The following PUM2 variants were observed in gnomAD, a reference collection of about 807,000 sequenced individuals.
The protein encoded by PUM2 is pumilio homolog 2.
Under a neutral mutation model 124.5 loss-of-function variants are expected in PUM2, and 57 were observed. The ratio of observed to expected loss-of-function variants is 0.46; its 90% CI spans 0.37 to 0.57. The LOEUF (loss-of-function observed/expected upper bound fraction) is 0.57. PUM2 is among the 20% of genes least tolerant of loss of function. The pLI, the probability that PUM2 is intolerant of heterozygous loss-of-function variation, is 0.00. For synonymous variants in PUM2, 460 were observed against 446.1 expected, an observed-to-expected ratio of 1.03 and a Z score of -0.39; for missense variants, 1,065 against 1,290.6, an observed-to-expected ratio of 0.83 and a Z score of 2.68.
chr2:20,300,224 A>AC (rs1379225830), intron 7 of PUM2, among the ~76,000 whole-genome samples: 1 of 151,592 alleles, frequency 6.6e-6, no homozygotes, highest in Non-Finnish European at 1.5e-5. Flanking sequence ...ATCTTGGCTC[A>AC]CCACAACCTC....
intron 7 of PUM2, among the ~76,000 whole-genome samples, chr2:20,304,572 C>G (rs1677771400): frequency 6.6e-6 from 1 of 152,172 alleles, no homozygotes; most frequent in Non-Finnish European, 1.5e-5. Context: ...TTTACCAGCA[C>G]AGTGGAGTGG....
At chr2:20,287,627 C>T (rs1160321914) in intron 10 of PUM2, among the ~76,000 whole-genome samples, 2 of 152,116 alleles carry the variant, frequency 1.3e-5, no homozygotes, top group Non-Finnish European at 2.9e-5. Context: ...ATTTGGTAGG[C>T]CCATAATCTC....
At chr2:20,287,152 T>C (rs754102782) in intron 10 of PUM2, among the ~76,000 whole-genome samples, 17 of 152,324 alleles carry the variant, frequency 1.1e-4, no homozygotes, top group Non-Finnish European at 4.4e-5. Flanking sequence ...ACATATGACA[T>C]AGATCTAACA....
At position 20,323,297 on chromosome 2, in the gene PUM2, A is replaced by G. The variant is rs1217369262; in HGVS notation, c.51+4013T>C. ...CTCTGTCTCTACTAAAAATACAAAA[A>G]ATTAGCCAGGCGTAGTGGCACACGC... On this transcript the variant is annotated intron_variant, in intron 2 of 20. Transcript: ENST00000361078. 2.0e-5 allele frequency among the ~76,000 whole-genome samples: 3 copies of G among 151,854 alleles called. No individual in the cohort carries two copies. The East Asian group carries it at 5.8e-4, about 29-fold the overall frequency.
Position 20,318,636 on chromosome 2 carries a change from T to A in PUM2, c.61A>T (p.Thr21Ser). The A allele has an allele frequency of 6.2e-7, 1 of 1,611,710 alleles. No individual in the cohort carries two copies. The highest frequency in any genetic ancestry group is 8.5e-7 in the Non-Finnish European group (1 of 1,178,654). ...TCATCAGGTTCCCAAAACTTTTTGG[T>A]AGGCAAAAGCTATTTGGAGGAAAAA... The part of the protein sequence containing the change: ...ESRGMGELLP[T>S]KKFWEPDDST... Residue 21 changes from threonine (T) to serine (S), a missense_variant, in exon 3 of 21, where the codon ACC (threonine) becomes TCC (serine). Around this residue, in one of 3 missense-constraint regions of PUM2, gnomAD observed 90 missense variants for 103.6 expected, o/e 0.87. Coordinates refer to ENST00000361078, the MANE Select transcript of PUM2 (RefSeq NM_015317.5).
rs1252498910 is a variant in PUM2, at chr2:20,251,439, A to T, written c.*146T>A. On this transcript the variant is annotated 3_prime_UTR_variant, in exon 21 of 21. Transcript: ENST00000361078. ...CAAATATACACAAGAACCTTAAAAA[A>T]TTTACAAATGGATGAATAAAGTCAA... 4.7e-6 allele frequency: 5 copies of T among 1,073,674 alleles called. No individual in the cohort carries two copies. The South Asian group carries it at 5.3e-5, about 11-fold the overall frequency. 66.5% of individuals were successfully genotyped at this position (1,073,674 alleles called of 1,614,324 possible). A position where few individuals can be genotyped will look rare whatever the true frequency, so the allele number is the denominator to read the frequency against.
intron 7 of PUM2, among the ~76,000 whole-genome samples, chr2:20,298,489 C>T (rs1021314833): frequency 2.0e-5 from 3 of 152,194 alleles, no homozygotes; most frequent in African/African-American, 7.2e-5. Context: ...AGAAGAAACT[C>T]TCAGATGTTG....
At chr2:20,300,849 T>G (rs181500482) in intron 7 of PUM2, among the ~76,000 whole-genome samples, 1 of 151,392 alleles carries the variant, frequency 6.6e-6, no homozygotes, top group South Asian at 2.1e-4. Context: ...AAATTCCTTA[T>G]GGACAAAGGA....
chr2:20,256,324 A>G (rs1293743274), intron 16 of PUM2, among the ~76,000 whole-genome samples, 154 bp from the exon 17 acceptor site: 2 of 152,312 alleles, frequency 1.3e-5, no homozygotes, highest in Non-Finnish European at 2.9e-5. Context: ...ATATTCACAA[A>G]TATTATTTCC....
rs1232126715 is a variant in PUM2, at chr2:20,249,926, G to A, written c.*1659C>T. 6.6e-6 allele frequency: 1 copy of A among 152,562 alleles called. No homozygotes were observed. The highest frequency in any genetic ancestry group is 1.5e-5 in the Non-Finnish European group (1 of 68,016). The allele number at this position is 152,562 out of a possible 1,614,324, so 9.5% of individuals were successfully genotyped here. A position where few individuals can be genotyped will look rare whatever the true frequency, so the allele number is the denominator to read the frequency against. On this transcript the variant is annotated 3_prime_UTR_variant, in exon 21 of 21. Transcript: ENST00000361078. ...ACAATTTTGCCTTAAAAAGATTGTT[G>A]GGAAATGTACATAAGGCCGCTTGTA...
At position 20,257,056 on chromosome 2, in the gene PUM2, A is replaced by G. The variant is rs1328240472; in HGVS notation, c.2485-886T>C. ...AAGATTCCGTCTCAAAAAAAAAAAA[A>G]AAAAAAAAAAAAAAAAAGAAATCCA... On this transcript the variant is annotated intron_variant, in intron 16 of 20. Transcript: ENST00000361078. Among the ~76,000 whole-genome samples the G allele has an allele frequency of 6.6e-5, 9 of 137,042 alleles. No homozygotes were observed. In the South Asian group the frequency reaches 1.7e-3, roughly 26 times the overall value. 89.9% of individuals were successfully genotyped at this position (137,042 alleles called of 152,430 possible). A position where few individuals can be genotyped will look rare whatever the true frequency, so the allele number is the denominator to read the frequency against.
intron 10 of PUM2, among the ~76,000 whole-genome samples, chr2:20,287,619 T>G (rs1339347260): frequency 2.6e-5 from 4 of 152,038 alleles, no homozygotes; most frequent in African/African-American, 9.7e-5. Context: ...GTTGAGAGAT[T>G]TGGTAGGCCC....
At chr2:20,258,946 C>T (rs986764657) in intron 15 of PUM2, among the ~76,000 whole-genome samples, 3 of 151,828 alleles carry the variant, frequency 2.0e-5, no homozygotes, top group East Asian at 1.9e-4. Flanking sequence ...GGATTACAGG[C>T]GTGAGCCACC....
intron 9 of PUM2, among the ~76,000 whole-genome samples, chr2:20,293,382 CA>C (rs1674704301): frequency 6.6e-6 from 1 of 152,134 alleles, no homozygotes; most frequent in Non-Finnish European, 1.5e-5. Flanking sequence ...AGGACTGAGC[CA>C]AAAACAGCTT....
chr2:20,297,734 A>T, intron 7 of PUM2, 56 bp from the exon 8 acceptor site: 2 of 1,512,622 alleles, frequency 1.3e-6, no homozygotes, highest in Non-Finnish European at 1.8e-6. Flanking sequence ...GATTTTTTTC[A>T]TTAGATAAAA....
upstream of PUM2, chr2:20,352,188 C>G (rs548809150): frequency 6.6e-6 from 1 of 152,348 alleles, no homozygotes; most frequent in African/African-American, 2.4e-5. Flanking sequence ...ATTTTTACTT[C>G]CCAAGTAATT....
At chr2:20,311,458 G>T in intron 5 of PUM2, 36 bp downstream of exon 5, 1 of 1,563,758 alleles carries the variant, frequency 6.4e-7, no homozygotes, top group Non-Finnish European at 8.7e-7. Context: ...TCCCTAAAAA[G>T]ATACGCTTTT....
chr2:20,313,390 C>T (rs1680117955), intron 3 of PUM2, among the ~76,000 whole-genome samples: 1 of 152,146 alleles, frequency 6.6e-6, no homozygotes, highest in South Asian at 2.1e-4. Context: ...ATGTTAAGAA[C>T]AGTACAACCA....
rs1385002343 is a variant in PUM2 at position 20,278,653 on chromosome 2, T to C, written c.1887A>G (p.Gln629=). Reference sequence around the variant, plus strand: ...GTGGCGTAAGTGAATGTCCTGGAGTTTGGCTTGGCAGAGGCATGCCTATTG... The same window carrying C: ...GTGGCGTAAGTGAATGTCCTGGAGTCTGGCTTGGCAGAGGCATGCCTATTG... ...PSPIGMPLPS[Q]TPGHSLTPPP... is the part of the protein sequence containing the mutation. Residue 629 remains glutamine (Q), a synonymous_variant, in exon 13 of 21, where the codon CAA becomes CAG. Transcript: ENST00000361078. The C allele has an allele frequency of 6.2e-7, 1 of 1,613,456 alleles. No individual in the cohort carries two copies.
Sources: gnomAD v4.1 joint callset for allele counts (sites outside exome capture counted in the v4.1 genomes callset) on GRCh38, gnomAD v4.1.1 for gene constraint, gnomAD v4.1.1 regional missense constraint, MANE v1.5 for transcripts, NCBI Gene and HGNC (gene_info 2026-07-23, HGNC 2026-07-21) for gene names.